Variants in PPP2R2B observed in about 807,000 individuals in gnomAD.
PPP2R2B encodes the protein serine/threonine-protein phosphatase 2A 55 kDa regulatory subunit B beta isoform.
A neutral mutation model predicts 46.0 loss-of-function variants in PPP2R2B; 5 were observed. The observed-to-expected ratio is 0.11, with a 90% confidence interval of 0.06 to 0.23. The LOEUF (loss-of-function observed/expected upper bound fraction) is 0.23, where lower values mean the gene tolerates loss of function less well. Ranked by LOEUF, PPP2R2B falls within the 10% of genes least tolerant of loss-of-function variation. The pLI is 1.00. For synonymous variants in PPP2R2B, 215 were observed against 206.7 expected (o/e 1.04, Z -0.34); for missense variants, 367 against 575.0 (o/e 0.64, Z 3.70).
At chr5:146,847,136 G>A (rs549181653) in intron 2 of PPP2R2B, among the ~76,000 whole-genome samples, 3 of 152,156 alleles carry the variant, frequency 2.0e-5, no homozygotes, top group Non-Finnish European at 2.9e-5. Flanking sequence ...CTGTATGACT[G>A]AAGTAACTTC....
intron 2 of PPP2R2B, among the ~76,000 whole-genome samples, chr5:146,864,750 G>T (rs1449984925): frequency 6.6e-6 from 1 of 152,134 alleles, no homozygotes; most frequent in African/African-American, 2.4e-5. Flanking sequence ...GGGGTAGAAG[G>T]GCAATGGGAT....
rs151284744 is a variant in PPP2R2B at position 146,966,180 on chromosome 5, A to G, written c.79+89485T>C. On this transcript the variant is annotated intron_variant, in intron 1 of 8. Coordinates refer to the PPP2R2B transcript ENST00000336640. ...TAATGGTCCTTTGGCTGCCTGCGAT[A>G]TTAGTGTTGGCCAGAGGCTCGTTAA... 4.0e-3 allele frequency among the ~76,000 whole-genome samples: 604 copies of G among 152,306 alleles called. 4 individuals carry two copies. Among genetic ancestry groups the G allele is most frequent in the African/African-American group, 0.013 (549 of 41,562 alleles).
chr5:147,055,568 A>C, intron 1 of PPP2R2B: 5 of 1,037,934 alleles, frequency 4.8e-6, no homozygotes, highest in Non-Finnish European at 7.4e-6. Context: ...ACAGTCACCT[A>C]GTAGCTACAG....
chr5:146,629,250 C>T (rs1394530548), intron 7 of PPP2R2B, among the ~76,000 whole-genome samples: 3 of 152,204 alleles, frequency 2.0e-5, no homozygotes, highest in Non-Finnish European at 4.4e-5. Context: ...AATGCTTGGT[C>T]TTTCCATGCC....
chr5:146,638,003 A>G (rs1774933751), intron 7 of PPP2R2B, among the ~76,000 whole-genome samples: 3 of 152,176 alleles, frequency 2.0e-5, no homozygotes, highest in Admixed American at 6.5e-5. Flanking sequence ...TTTGGATCAC[A>G]TCACACTGTT....
At chr5:146,811,278 G>C (rs1448807493) in intron 2 of PPP2R2B, among the ~76,000 whole-genome samples, 1 of 152,216 alleles carries the variant, frequency 6.6e-6, no homozygotes, top group East Asian at 1.9e-4. Context: ...GATTACAGGC[G>C]TGAGCCACGG....
chr5:146,706,498 G>A, intron 2 of PPP2R2B: 1 of 1,193,500 alleles, frequency 8.4e-7, no homozygotes, highest in Non-Finnish European at 1.2e-6. Context: ...ATGTTCATCA[G>A]CTTCTGGTAG....
intron 2 of PPP2R2B, among the ~76,000 whole-genome samples, chr5:146,859,638 C>T (rs1489181656): frequency 6.6e-6 from 1 of 152,046 alleles, no homozygotes; most frequent in African/African-American, 2.4e-5. Context: ...GAGTCAAGAG[C>T]CAGTAAGCGT....
chr5:146,980,657 T>C (rs927902568), intron 1 of PPP2R2B, among the ~76,000 whole-genome samples: 7 of 149,252 alleles, frequency 4.7e-5, no homozygotes, highest in Non-Finnish European at 1.0e-4. Context: ...ATCTCTCTTG[T>C]TTTTTTATGT....
At chr5:147,051,753 CTTTTTT>C (rs60522229) in intron 1 of PPP2R2B, among the ~76,000 whole-genome samples, 2 of 92,374 alleles carry the variant, frequency 2.2e-5, no homozygotes, top group East Asian at 4.1e-4. Context: ...GTTTTGCTTC[CTTTTTT>C]TTTTTTTTTT....
chr5:146,640,327 T>C (rs1334344652), intron 6 of PPP2R2B, among the ~76,000 whole-genome samples: 2 of 152,246 alleles, frequency 1.3e-5, no homozygotes, highest in Non-Finnish European at 2.9e-5. Flanking sequence ...GTGAGTCTCC[T>C]GGATTCACAA....
At position 146,781,986 on chromosome 5, in the gene PPP2R2B, T is replaced by C. The variant is rs139195679; in HGVS notation, c.71-80844A>G. Among the ~76,000 whole-genome samples the C allele has an allele frequency of 1.3e-3, 193 of 152,312 alleles. 1 individual carries two copies. Among genetic ancestry groups the C allele is most frequent in the African/African-American group, 4.1e-3 (172 of 41,550 alleles). ...GTTTCTGTTGAATGGTTTAACACCA[T>C]TTCCCTTGGTACTGTTGTCACGATA... On this transcript the variant is annotated intron_variant, in intron 2 of 9. Transcript: ENST00000394411.
intron 2 of PPP2R2B, among the ~76,000 whole-genome samples, chr5:146,743,612 T>A (rs1300129332): frequency 6.6e-6 from 1 of 152,226 alleles, no homozygotes. Flanking sequence ...GCACTAAGGC[T>A]CTATATGCTT....
intron 1 of PPP2R2B, among the ~76,000 whole-genome samples, chr5:146,907,482 CTT>C (rs10568077): frequency 0.48 from 72,774 of 151,862 alleles, 19,179 homozygotes; most frequent in African/African-American, 0.69. Flanking sequence ...AATTAATGTC[CTT>C]ACAGAAGGGC....
rs115585412 is a variant in PPP2R2B, at chr5:147,001,570, G to T, written c.79+54095C>A. On this transcript the variant is annotated intron_variant, in intron 1 of 8. Transcript: ENST00000336640. ...TAAGAACTGTAACACTCACTGTGAG[G>T]CTCTGAGGCTTCATTCTTGAAGTCA... is the stretch of plus-strand genomic sequence containing the variant. Among the ~76,000 whole-genome samples the T allele has an allele frequency of 1.5e-3, 235 of 152,236 alleles. 2 individuals are homozygous for T. The highest frequency in any genetic ancestry group is 6.8e-3 in the Middle Eastern group (2 of 292).
At chr5:146,911,299 G>A (rs1333164928) in intron 1 of PPP2R2B, among the ~76,000 whole-genome samples, 1 of 152,142 alleles carries the variant, frequency 6.6e-6, no homozygotes, top group Non-Finnish European at 1.5e-5. Context: ...GGCCAGGCTG[G>A]TCTTGAACTC....
At chr5:146,643,404 C>A (rs1775359757) in intron 6 of PPP2R2B, among the ~76,000 whole-genome samples, 1 of 152,120 alleles carries the variant, frequency 6.6e-6, no homozygotes, top group African/African-American at 2.4e-5. Flanking sequence ...GAGTATTATA[C>A]ACAGTATATT....
chr5:146,602,943 C>T (rs768713291), intron 7 of PPP2R2B, among the ~76,000 whole-genome samples: 2 of 152,118 alleles, frequency 1.3e-5, no homozygotes, highest in Non-Finnish European at 2.9e-5. Context: ...ACAGCTATGT[C>T]ATTAGTATTG....
intron 5 of PPP2R2B, among the ~76,000 whole-genome samples, chr5:146,683,426 A>T (rs1581866380): frequency 6.6e-6 from 1 of 152,222 alleles, no homozygotes; most frequent in Non-Finnish European, 1.5e-5. Flanking sequence ...TAGCCGTCTA[A>T]CCTAAGGCAA....
Sources: allele counts gnomAD v4.1 joint callset (sites outside exome capture counted in the v4.1 genomes callset), GRCh38; gene constraint gnomAD v4.1.1; transcripts MANE v1.5; gene names NCBI Gene and HGNC (gene_info 2026-07-23, HGNC 2026-07-21).